The following ZNF585B variants were observed in gnomAD, a reference collection of about 807,000 sequenced individuals.
ZNF585B encodes zinc finger protein 585B.
ZNF585B carries 7 observed loss-of-function variants against 14.0 expected under a neutral mutation model. The ratio of observed to expected loss-of-function variants is 0.50; its 90% confidence interval spans 0.28 to 0.94. The LOEUF is 0.94. Ranked by LOEUF, ZNF585B falls within the 40% of genes least tolerant of loss-of-function variation. ZNF585B has a pLI of 0.09. For missense variants in ZNF585B, 750 were observed against 924.4 expected (o/e 0.81, Z 2.45); for synonymous variants, 290 against 317.3 (o/e 0.91, Z 0.91).
Position 37,185,340 on chromosome 19 carries a change from A to G in ZNF585B, c.2197T>C (p.Leu733=). 6.2e-7 allele frequency: 1 copy of G among 1,614,088 alleles called. No homozygotes were observed. Among genetic ancestry groups the G allele is most frequent in the African/African-American group, 1.3e-5 (1 of 75,014 alleles). Residue 733 remains leucine (L), a synonymous_variant, in exon 5 of 5, where the codon TTG becomes CTG. Transcript: ENST00000532828. ...CGKAFSNRSN[L]NKHQTTHTGD... ...GTGTGTGTTGTCTGATGTTTATTCAAATTGGACCTGTTGCTAAAGGCCTTC... is the reference window on the plus strand; with the variant it reads ...GTGTGTGTTGTCTGATGTTTATTCAGATTGGACCTGTTGCTAAAGGCCTTC...
chr19:37,199,632 A>G (rs1291656515), intron 2 of ZNF585B: 4 of 242,338 alleles, frequency 1.7e-5, no homozygotes, highest in South Asian at 1.2e-4. Context: ...GGATAAAACA[A>G]AAATAGAGAG....
chr19:37,206,550 G>A (rs1398524884), intron 2 of ZNF585B, among the ~76,000 whole-genome samples: 1 of 152,018 alleles, frequency 6.6e-6, no homozygotes, highest in Non-Finnish European at 1.5e-5. Context: ...CTCAATAGAA[G>A]GGCTGGAAGG....
chr19:37,195,399 G>GA (rs796425871), intron 2 of ZNF585B, among the ~76,000 whole-genome samples: 34 of 59,410 alleles, frequency 5.7e-4, no homozygotes, highest in African/African-American at 1.9e-3. Context: ...ACAAAAAACA[G>GA]AAAAAAAAAG....
chr19:37,185,814 C>T lies in ZNF585B; in HGVS notation c.1723G>A (p.Glu575Lys). 1 of 1,609,176 alleles carries T rather than the reference C, an allele frequency of 6.2e-7. No individual in the cohort carries two copies. Among genetic ancestry groups the T allele is most frequent in the South Asian group, 1.1e-5 (1 of 90,336 alleles). The part of the protein sequence containing the change: ...LIVHQKIHTG[E>K]KPYVCTECGR... The stretch of plus-strand genomic sequence containing the variant: ...CACTCAGTGCATACATAGGGTTTCT[C>T]TCCTGTATGAATTTTCTGATGAACA... Residue 575 changes from glutamate (E) to lysine (K), a missense_variant, in exon 5 of 5, where the codon GAG (glutamate) becomes AAG (lysine). Transcript: ENST00000532828.
Position 37,182,108 on chromosome 19 carries a change from C to T in ZNF585B, c.*3119G>A, listed in dbSNP as rs759899670. 1.3e-5 allele frequency: 2 copies of T among 152,144 alleles called. No homozygotes were observed. Among genetic ancestry groups the T allele is most frequent in the Non-Finnish European group, 2.9e-5 (2 of 68,036 alleles). The allele number at this position is 152,144 out of a possible 1,614,324, so 9.4% of individuals were successfully genotyped here. A position where few individuals can be genotyped will look rare whatever the true frequency, so the allele number is the denominator to read the frequency against. Reference sequence around the variant, plus strand: ...AGGGTAGGGGATATATGGGAAATCTCTGTACCTTCTGCCCCATTTTGCTGT... The same window carrying T: ...AGGGTAGGGGATATATGGGAAATCTTTGTACCTTCTGCCCCATTTTGCTGT... On this transcript the variant is annotated 3_prime_UTR_variant, in exon 5 of 5. Coordinates refer to ENST00000532828, the MANE Select transcript of ZNF585B (RefSeq NM_152279.4).
intron 2 of ZNF585B, among the ~76,000 whole-genome samples, chr19:37,200,492 G>A (rs1165023044): frequency 6.7e-6 from 1 of 148,458 alleles, no homozygotes; most frequent in Non-Finnish European, 1.5e-5. Flanking sequence ...GGAGGTTGCA[G>A]TGAGCCGAGA....
intron 2 of ZNF585B, among the ~76,000 whole-genome samples, chr19:37,191,211 T>C (rs890179494): frequency 3.3e-5 from 5 of 152,190 alleles, no homozygotes; most frequent in Non-Finnish European, 7.3e-5. Context: ...TTGTGACAAA[T>C]GTATACACCT....
In ZNF585B at chr19:37,189,410, T is replaced by A. The variant is rs73624821; in HGVS notation, c.292+251A>T. The A allele has an allele frequency of 4.8e-3, 2,163 of 454,222 alleles. 36 individuals are homozygous for A. Among genetic ancestry groups the A allele is most frequent in the African/African-American group, 0.039 (1,957 of 50,638 alleles). 28.1% of individuals were successfully genotyped at this position (454,222 alleles called of 1,614,324 possible). ...TGGAAGGCAGGGAAAAAAAGACTGT[T>A]ACAGAAAAGGAATATAATAAAGATT... On this transcript the variant is annotated intron_variant, in intron 4 of 4. Coordinates refer to ENST00000532828, the MANE Select transcript of ZNF585B (RefSeq NM_152279.4).
At chr19:37,199,070 A>G in intron 2 of ZNF585B, 1 of 1,401,650 alleles carries the variant, frequency 7.1e-7, no homozygotes, top group Non-Finnish European at 9.7e-7. Flanking sequence ...AAGAATATAC[A>G]TGTTCTAATT....
chr19:37,194,173 T>C lies in ZNF585B; in HGVS notation c.73-4023A>G, dbSNP rs570168902. On this transcript the variant is annotated intron_variant, in intron 2 of 4. Coordinates refer to ENST00000532828, the MANE Select transcript of ZNF585B (RefSeq NM_152279.4). The stretch of plus-strand genomic sequence containing the variant: ...GTAAAAGGTACAATAGGTGAACAGG[T>C]TGCTTATACTATTCTCTTTACTTTT... Among the ~76,000 whole-genome samples, 68 of 152,312 alleles carry C rather than the reference T, an allele frequency of 4.5e-4. 1 individual carries two copies. The South Asian group carries it at 5.2e-3, about 12-fold the overall frequency.
rs772713669 is a variant in ZNF585B, at chr19:37,181,793, A to G, written c.*3434T>C. On this transcript the variant is annotated 3_prime_UTR_variant, in exon 5 of 5. Coordinates refer to ENST00000532828, the MANE Select transcript of ZNF585B (RefSeq NM_152279.4). ...AAACAAATCAATCTGAAAAGGCTGC[A>G]TACTTTATGGTTCAGAGGCAAAATT... 1 of 152,232 alleles carries G rather than the reference A, an allele frequency of 6.6e-6. No individual in the cohort carries two copies. The highest frequency in any genetic ancestry group is 1.9e-4 in the East Asian group (1 of 5,202). The allele number at this position is 152,232 out of a possible 1,614,324, so 9.4% of individuals were successfully genotyped here.
At chr19:37,189,917 A>G (rs1972380606) in intron 3 of ZNF585B, 107 bp downstream of exon 3, 1 of 1,568,522 alleles carries the variant, frequency 6.4e-7, no homozygotes, top group South Asian at 1.2e-5. Flanking sequence ...CTGGAGGAAA[A>G]AAGGACAAAA....
chr19:37,200,901 C>A (rs1346160710), intron 2 of ZNF585B, among the ~76,000 whole-genome samples: 2 of 151,428 alleles, frequency 1.3e-5, no homozygotes, highest in East Asian at 1.9e-4. Flanking sequence ...GACCATCCTG[C>A]CCAACGTGGT....
chr19:37,206,432 T>G (rs905714923), intron 2 of ZNF585B, among the ~76,000 whole-genome samples: 1 of 146,844 alleles, frequency 6.8e-6, no homozygotes, highest in Admixed American at 6.8e-5. Flanking sequence ...GCCTGGGCAA[T>G]GAGAGCAAAA....
chr19:37,186,047 G>A lies in ZNF585B; in HGVS notation c.1490C>T (p.Ser497Phe). 14 of 1,613,894 alleles carry A rather than the reference G, an allele frequency of 8.7e-6. No homozygotes were observed. Among genetic ancestry groups the A allele is most frequent in the Non-Finnish European group, 1.2e-5 (14 of 1,179,982 alleles). The stretch of plus-strand genomic sequence containing the variant: ...CTGGGTGAAGGCCTTTCCACATTTG[G>A]AACATATATAAGATTTCTCTCCTGT... Reference protein sequence around the residue: ...THTGEKSYICSKCGKAFTQRS... With the variant: ...THTGEKSYICFKCGKAFTQRS... Residue 497 changes from serine to phenylalanine, a missense_variant, in exon 5 of 5, where the codon TCC becomes TTC. Around this residue, in one of 2 missense-constraint regions of ZNF585B, gnomAD observed 233 missense variants for 354.1 expected, o/e 0.66. Coordinates refer to ENST00000532828, the MANE Select transcript of ZNF585B (RefSeq NM_152279.4).
chr19:37,208,991 CA>C (rs201758682), intron 1 of ZNF585B, among the ~76,000 whole-genome samples: 17 of 143,452 alleles, frequency 1.2e-4, no homozygotes, highest in Admixed American at 8.3e-4. Context: ...GACTCTGTCT[CA>C]AAAAAAAAAG....
At chr19:37,208,792 G>C (rs1972614249) in intron 1 of ZNF585B, among the ~76,000 whole-genome samples, 1 of 152,154 alleles carries the variant, frequency 6.6e-6, no homozygotes. Flanking sequence ...AGGAGTTCGA[G>C]ACCAGCCTGG....
At chr19:37,190,229 G>T in intron 2 of ZNF585B, 79 bp from the exon 3 acceptor site, 1 of 1,562,542 alleles carries the variant, frequency 6.4e-7, no homozygotes, top group Non-Finnish European at 8.7e-7. Context: ...TACGGAACAT[G>T]GGTTTTGTTG....
intron 2 of ZNF585B, chr19:37,199,084 C>T (rs1323450851): frequency 1.5e-6 from 2 of 1,295,436 alleles, no homozygotes; most frequent in East Asian, 5.2e-5. Context: ...TCTAATTTTT[C>T]TCTTTATCAT....
Sources: gnomAD v4.1 joint callset for allele counts (sites outside exome capture counted in the v4.1 genomes callset) on GRCh38, gnomAD v4.1.1 for gene constraint, gnomAD v4.1.1 regional missense constraint, MANE v1.5 for transcripts, NCBI Gene and HGNC (gene_info 2026-07-23, HGNC 2026-07-21) for gene names.